FA2H: variants seen among roughly 807,000 people sequenced by gnomAD.
FA2H encodes the protein fatty acid alpha-hydroxylase.
FA2H carries 22 observed loss-of-function variants against 44.9 expected under a neutral mutation model. The observed-to-expected ratio is 0.49, with a 90% confidence interval of 0.35 to 0.70. The LOEUF is 0.70. Among genes scored for constraint, FA2H ranks in the 30% least tolerant of loss-of-function variants. FA2H has a pLI of 0.01. For missense variants in FA2H, 501 were observed against 504.9 expected (o/e 0.99, Z 0.07); for synonymous variants, 243 against 213.2 (o/e 1.14, Z -1.22).
At chr16:74,724,876 C>A (rs989289237) in intron 4 of FA2H, among the ~76,000 whole-genome samples, 1 of 152,192 alleles carries the variant, frequency 6.6e-6, no homozygotes, top group Non-Finnish European at 1.5e-5. Flanking sequence ...GCCCATCCGG[C>A]CGGAGCTGGT....
chr16:74,741,730 G>A (rs980649986), intron 1 of FA2H, among the ~76,000 whole-genome samples: 1 of 142,310 alleles, frequency 7.0e-6, no homozygotes, highest in African/African-American at 2.7e-5. Flanking sequence ...CAAAGTGCTC[G>A]GATTACAGGT....
intron 1 of FA2H, among the ~76,000 whole-genome samples, chr16:74,753,693 T>TA (rs1241591045): frequency 6.6e-6 from 1 of 151,874 alleles, no homozygotes; most frequent in African/African-American, 2.4e-5. Context: ...AATAACCCCA[T>TA]AAGCACTGCC....
chr16:74,747,579 G>T (rs564337725), intron 1 of FA2H, among the ~76,000 whole-genome samples: 1 of 152,162 alleles, frequency 6.6e-6, no homozygotes, highest in Non-Finnish European at 1.5e-5. Context: ...AGATCATTAC[G>T]GTGGGCCTTA....
At chr16:74,748,347 A>C (rs377506258) in intron 1 of FA2H, among the ~76,000 whole-genome samples, 1 of 152,130 alleles carries the variant, frequency 6.6e-6, no homozygotes, top group East Asian at 1.9e-4. Context: ...CACCACAAGC[A>C]CCTTCACCGA....
intron 1 of FA2H, among the ~76,000 whole-genome samples, chr16:74,764,888 T>G (rs146850801): frequency 6.6e-6 from 1 of 152,224 alleles, no homozygotes; most frequent in South Asian, 2.1e-4. Context: ...CAGGTACTTA[T>G]AGCTACATGA....
At chr16:74,771,269 C>T (rs1962901016) in intron 1 of FA2H, among the ~76,000 whole-genome samples, 1 of 152,168 alleles carries the variant, frequency 6.6e-6, no homozygotes, top group Non-Finnish European at 1.5e-5. Flanking sequence ...CAGCTCACTG[C>T]AACTTCTGCC....
rs186819095 is a variant in FA2H at position 74,725,013 on chromosome 16, C to T, written c.613+1212G>A. 4.6e-5 allele frequency among the ~76,000 whole-genome samples: 7 copies of T among 152,282 alleles called. No individual in the cohort carries two copies. In the East Asian group the frequency reaches 1.4e-3, roughly 29 times the overall value. ...TTGTGATTGTTAGGGGAGTGCCGGG[C>T]GGACAGTGGGTGATTCAGCGAGCAG... On this transcript the variant is annotated intron_variant, in intron 4 of 6. Coordinates refer to ENST00000219368, the MANE Select transcript of FA2H (RefSeq NM_024306.5).
chr16:74,750,258 A>C (rs1962504528), intron 1 of FA2H, among the ~76,000 whole-genome samples: 1 of 152,142 alleles, frequency 6.6e-6, no homozygotes, highest in Admixed American at 6.5e-5. Flanking sequence ...TTATCTCCTC[A>C]CTGACCCAAC....
intron 1 of FA2H, among the ~76,000 whole-genome samples, chr16:74,748,315 G>T (rs555746167): frequency 1.3e-5 from 2 of 152,210 alleles, no homozygotes; most frequent in African/African-American, 4.8e-5. Flanking sequence ...CCACGTGGCA[G>T]CTGGAACAGC....
At chr16:74,760,253 A>C (rs1239225546) in intron 1 of FA2H, among the ~76,000 whole-genome samples, 2 of 152,156 alleles carry the variant, frequency 1.3e-5, no homozygotes, top group African/African-American at 2.4e-5. Context: ...CCCCCGAGGG[A>C]GCATGCTGGG....
At chr16:74,750,512 T>A (rs1455296322) in intron 1 of FA2H, among the ~76,000 whole-genome samples, 6 of 152,152 alleles carry the variant, frequency 3.9e-5, no homozygotes, top group Non-Finnish European at 8.8e-5. Flanking sequence ...ACAATAATAG[T>A]CACTGAACTG....
chr16:74,750,505 A>G lies in FA2H; in HGVS notation c.271-10390T>C, dbSNP rs1410636013. 3.3e-5 allele frequency among the ~76,000 whole-genome samples: 5 copies of G among 152,216 alleles called. No individual in the cohort carries two copies. The East Asian group carries it at 7.7e-4, about 23-fold the overall frequency. ...GCAAATGATTATACTACGAAAAACAATAATAGTCACTGAACTGTTTTATTT... is the reference window on the plus strand; with the variant it reads ...GCAAATGATTATACTACGAAAAACAGTAATAGTCACTGAACTGTTTTATTT... On this transcript the variant is annotated intron_variant, in intron 1 of 6. Transcript: ENST00000219368.
chr16:74,747,065 CT>C, intron 1 of FA2H, among the ~76,000 whole-genome samples: 1 of 152,200 alleles, frequency 6.6e-6, no homozygotes, highest in East Asian at 1.9e-4. Flanking sequence ...TATCCCAGCA[CT>C]TTGGGAGGCA....
At chr16:74,738,481 G>A (rs1269734552) in intron 2 of FA2H, among the ~76,000 whole-genome samples, 4 of 152,172 alleles carry the variant, frequency 2.6e-5, no homozygotes, top group Non-Finnish European at 4.4e-5. Flanking sequence ...TGGATCTCCC[G>A]TCCCCAGCCA....
intron 1 of FA2H, among the ~76,000 whole-genome samples, chr16:74,746,371 T>G (rs1327961608): frequency 2.1e-5 from 2 of 96,822 alleles, no homozygotes; most frequent in African/African-American, 7.8e-5. Flanking sequence ...TTATTATTAT[T>G]ATTATTATTT....
rs558188185 is a variant in FA2H, at chr16:74,764,893, A to G, written c.270+9593T>C. On this transcript the variant is annotated intron_variant, in intron 1 of 6. Coordinates refer to ENST00000219368, the MANE Select transcript of FA2H (RefSeq NM_024306.5). ...GAGTGTCACCCAGGTACTTATAGCT[A>G]CATGAGGACTGGGGGGGTCTTAACC... Among the ~76,000 whole-genome samples the G allele has an allele frequency of 6.6e-5, 10 of 152,274 alleles. No homozygotes were observed. The South Asian group carries it at 2.1e-3, about 32-fold the overall frequency.
At chr16:74,758,692 GAGGTGTGC>G (rs1441650767) in intron 1 of FA2H, among the ~76,000 whole-genome samples, 8 of 152,280 alleles carry the variant, frequency 5.3e-5, no homozygotes, top group East Asian at 3.9e-4. Context: ...TTGGGAGGCT[GAGGTGTGC>G]AGATCACTTG....
At chr16:74,748,502 G>A (rs577691101) in intron 1 of FA2H, among the ~76,000 whole-genome samples, 1 of 151,286 alleles carries the variant, frequency 6.6e-6, no homozygotes, top group African/African-American at 2.5e-5. Context: ...TGGACGGGCG[G>A]GGGGAGCACA....
intron 1 of FA2H, among the ~76,000 whole-genome samples, chr16:74,754,027 T>C (rs75384440): frequency 3.9e-5 from 6 of 152,348 alleles, no homozygotes; most frequent in African/African-American, 9.6e-5. Flanking sequence ...TTTTCTTCAA[T>C]AGACCATAGT....
Sources: gnomAD v4.1 joint callset for allele counts (sites outside exome capture counted in the v4.1 genomes callset) on GRCh38, gnomAD v4.1.1 for gene constraint, MANE v1.5 for transcripts, NCBI Gene and HGNC (gene_info 2026-07-23, HGNC 2026-07-21) for gene names.